The following GRIA1 variants were observed in gnomAD, a reference collection of about 807,000 sequenced individuals.
GRIA1 encodes the protein glutamate receptor 1.
A neutral mutation model predicts 99.2 loss-of-function variants in GRIA1; 31 were observed. The ratio of observed to expected loss-of-function variants is 0.31; its 90% CI spans 0.23 to 0.42. The LOEUF (loss-of-function observed/expected upper bound fraction) is 0.42, where lower values mean the gene tolerates loss of function less well. Ranked by LOEUF, GRIA1 falls within the 10% of genes least tolerant of loss-of-function variation. The pLI is 1.00. For missense variants in GRIA1, 782 were observed against 1,157.5 expected (o/e 0.68, Z 4.71); for synonymous variants, 438 against 432.4 (o/e 1.01, Z -0.16).
At chr5:153,610,921 A>T (rs1374009445) in intron 2 of GRIA1, among the ~76,000 whole-genome samples, 1 of 152,198 alleles carries the variant, frequency 6.6e-6, no homozygotes, top group Non-Finnish European at 1.5e-5. Context: ...TGGATTTCTT[A>T]TCTCAGTTCT....
At chr5:153,663,592 G>T (rs1447799683) in intron 5 of GRIA1, among the ~76,000 whole-genome samples, 1 of 152,170 alleles carries the variant, frequency 6.6e-6, no homozygotes, top group African/African-American at 2.4e-5. Flanking sequence ...TAAAGTTTTA[G>T]AACACAGAGT....
At chr5:153,702,599 G>C (rs1758608032) in intron 10 of GRIA1, among the ~76,000 whole-genome samples, 1 of 152,208 alleles carries the variant, frequency 6.6e-6, no homozygotes, top group South Asian at 2.1e-4. Flanking sequence ...GATCTGCTAG[G>C]TCAGTGATTC....
chr5:153,650,906 A>AT (rs201337721), intron 4 of GRIA1, among the ~76,000 whole-genome samples: 10,397 of 148,670 alleles, frequency 0.07, 1,324 homozygotes, highest in African/African-American at 0.24. Flanking sequence ...TAAAAAAAAA[A>AT]AAAAAAAAAA....
chr5:153,651,641 G>T (rs775860780), intron 4 of GRIA1, among the ~76,000 whole-genome samples: 44 of 152,118 alleles, frequency 2.9e-4, no homozygotes, highest in Non-Finnish European at 6.3e-4. Flanking sequence ...TTGGTACTAG[G>T]ACAGCTATTA....
rs10476797 is a variant in GRIA1 at position 153,768,881 on chromosome 5, T to C, written c.2023-1287T>C. ...TTGTCCATTTAGAAAACATTTGTAA[T>C]AGCCAGACTGTAGTATCCCTAAAAT... is the stretch of plus-strand genomic sequence containing the variant. On this transcript the variant is annotated intron_variant, in intron 12 of 15. Transcript: ENST00000285900. Among the ~76,000 whole-genome samples the C allele has an allele frequency of 4.3e-3, 657 of 152,334 alleles. 3 individuals carry two copies. Among genetic ancestry groups the C allele is most frequent in the African/African-American group, 0.015 (622 of 41,582 alleles).
Position 153,647,746 on chromosome 5 carries a change from T to G in GRIA1, c.460+579T>G, listed in dbSNP as rs1754264309. On this transcript the variant is annotated intron_variant, in intron 3 of 15. Coordinates refer to ENST00000285900, the MANE Select transcript of GRIA1 (RefSeq NM_000827.4). ...CTCCTCATCATAATCTTCATCCTTC[T>G]CTGGGCTTTCTAATTCTTCCTCCTT... Among the ~76,000 whole-genome samples the G allele has an allele frequency of 7.9e-5, 12 of 152,228 alleles. 1 individual carries two copies. The highest frequency in any genetic ancestry group is 7.9e-4 in the Admixed American group (12 of 15,274).
intron 2 of GRIA1, among the ~76,000 whole-genome samples, chr5:153,636,982 C>T (rs1384250555): frequency 3.9e-5 from 6 of 152,244 alleles, no homozygotes; most frequent in Middle Eastern, 6.8e-3. Flanking sequence ...ATGAATGACT[C>T]GGAGAAGATT....
rs995618496 is a variant in GRIA1, at chr5:153,617,441, A to G, written c.221-29487A>G. 3.3e-5 allele frequency among the ~76,000 whole-genome samples: 5 copies of G among 152,134 alleles called. No homozygotes were observed. The East Asian group carries it at 7.7e-4, about 23-fold the overall frequency. ...TTAATTCTTTTTGGGGAAGATTTCTATGTCATCAGCCATCTTGTTTATCTG... is the reference window on the plus strand; with the variant it reads ...TTAATTCTTTTTGGGGAAGATTTCTGTGTCATCAGCCATCTTGTTTATCTG... On this transcript the variant is annotated intron_variant, in intron 2 of 15. Transcript: ENST00000285900.
intron 15 of GRIA1, among the ~76,000 whole-genome samples, chr5:153,810,008 A>G (rs746489687): frequency 1.8e-4 from 28 of 152,270 alleles, no homozygotes; most frequent in Non-Finnish European, 2.6e-4. Context: ...TTTGAGATGG[A>G]CAGTAAAATA....
intron 2 of GRIA1, among the ~76,000 whole-genome samples, chr5:153,572,207 A>G (rs1762170520): frequency 6.6e-6 from 1 of 152,240 alleles, no homozygotes. Flanking sequence ...TCCATTGTCA[A>G]CTAAGCAGCA....
rs778853422 is a variant in GRIA1 at position 153,677,081 on chromosome 5, C to A, written c.949C>A (p.Arg317=). 61 of 1,584,662 alleles carry A rather than the reference C, an allele frequency of 3.8e-5. No homozygotes were observed. Among genetic ancestry groups the A allele is most frequent in the Non-Finnish European group, 5.2e-5 (60 of 1,163,304 alleles). Residue 317 remains arginine, a synonymous_variant, in exon 7 of 16, where the codon CGG becomes AGG. Transcript: ENST00000285900. ...GAGGCAGAGAATTGATATATCTCGC[C>A]GGGGGAATGCTGGGGATTGTCTGGC... is the stretch of plus-strand genomic sequence containing the variant. ...LRRQRIDISR[R]GNAGDCLANP...
intron 2 of GRIA1, among the ~76,000 whole-genome samples, chr5:153,586,715 T>C (rs1763516274): frequency 6.6e-6 from 1 of 152,142 alleles, no homozygotes; most frequent in African/African-American, 2.4e-5. Flanking sequence ...GAGGATATCA[T>C]TGGAGTGCTT....
chr5:153,801,660 A>T (rs1349072884), intron 14 of GRIA1, among the ~76,000 whole-genome samples: 1 of 152,222 alleles, frequency 6.6e-6, no homozygotes, highest in African/African-American at 2.4e-5. Context: ...CAGAAAAATG[A>T]TATCAATTAA....
chr5:153,706,687 T>C (rs1758920916), intron 11 of GRIA1, among the ~76,000 whole-genome samples: 1 of 152,162 alleles, frequency 6.6e-6, no homozygotes, highest in African/African-American at 2.4e-5. Context: ...CCCTAGTAGA[T>C]GTTGGCGTCT....
intron 2 of GRIA1, among the ~76,000 whole-genome samples, chr5:153,579,896 C>CAAA (rs375002542): frequency 3.4e-5 from 5 of 145,408 alleles, no homozygotes; most frequent in African/African-American, 1.0e-4. Flanking sequence ...AACAAACAAA[C>CAAA]AAAAAAAAAA....
At chr5:153,736,208 A>G (rs1334032535) in intron 11 of GRIA1, among the ~76,000 whole-genome samples, 1 of 152,194 alleles carries the variant, frequency 6.6e-6, no homozygotes, top group East Asian at 1.9e-4. Context: ...AGTTTTAGAA[A>G]CCAAGTTAAA....
intron 13 of GRIA1, among the ~76,000 whole-genome samples, chr5:153,781,584 A>T (rs141280339): frequency 6.6e-6 from 1 of 152,114 alleles, no homozygotes; most frequent in Non-Finnish European, 1.5e-5. Flanking sequence ...TACCCAGCCA[A>T]CTTCGATGTA....
intron 5 of GRIA1, among the ~76,000 whole-genome samples, chr5:153,660,685 T>C (rs923611199): frequency 4.6e-5 from 7 of 152,192 alleles, no homozygotes; most frequent in African/African-American, 1.7e-4. Context: ...TAGGTACTCA[T>C]ATTGGCAATC....
chr5:153,496,068 C>A (rs1754388785), intron 2 of GRIA1, among the ~76,000 whole-genome samples: 1 of 152,174 alleles, frequency 6.6e-6, no homozygotes, highest in Non-Finnish European at 1.5e-5. Context: ...AACTGCTCTC[C>A]TAGTAGTGTC....
Sources: gnomAD v4.1 joint callset for allele counts (sites outside exome capture counted in the v4.1 genomes callset) on GRCh38, gnomAD v4.1.1 for gene constraint, MANE v1.5 for transcripts, NCBI Gene and HGNC (gene_info 2026-07-23, HGNC 2026-07-21) for gene names.